The following KHDRBS2 variants were observed in gnomAD, a reference collection of about 807,000 sequenced individuals.
KHDRBS2 encodes the protein KH RNA binding domain containing, signal transduction associated 2, also known as KH domain-containing, RNA-binding, signal transduction-associated protein 2.
In KHDRBS2, 26 loss-of-function variants were observed where a neutral mutation model predicts 44.3. The observed-to-expected ratio is 0.59, with a 90% confidence interval of 0.43 to 0.81. KHDRBS2 has a LOEUF of 0.81. Among genes scored for constraint, KHDRBS2 ranks in the 40% least tolerant of loss-of-function variants. The probability of loss-of-function intolerance (pLI) is 0.00; values close to 1 mark genes in which losing one functional copy is unlikely to be tolerated. For missense variants in KHDRBS2, 476 were observed against 433.1 expected (o/e 1.10, Z -0.88); for synonymous variants, 194 against 151.1 (o/e 1.28, Z -2.08).
chr6:61,697,121 T>C (rs191550321), intron 8 of KHDRBS2, 74 bp downstream of exon 8: 844 of 984,402 alleles, frequency 8.6e-4, no homozygotes, highest in Non-Finnish European at 1.3e-3. Flanking sequence ...GGGAGAAAGA[T>C]GGAAATAATG....
At chr6:61,873,693 T>A (rs1434158773) in intron 6 of KHDRBS2, among the ~76,000 whole-genome samples, 1 of 151,686 alleles carries the variant, frequency 6.6e-6, no homozygotes, top group Non-Finnish European at 1.5e-5. Context: ...TTTTTAAAAT[T>A]CTGATATTTT....
chr6:61,975,368 C>T (rs1371333223), intron 4 of KHDRBS2, among the ~76,000 whole-genome samples: 1 of 152,022 alleles, frequency 6.6e-6, no homozygotes, highest in East Asian at 1.9e-4. Flanking sequence ...ACAATGTTTG[C>T]AAATGTTAAT....
chr6:61,653,173 G>C, the KHDRBS2 span, among the ~76,000 whole-genome samples: 1 of 152,068 alleles, frequency 6.6e-6, no homozygotes, highest in African/African-American at 2.4e-5. Flanking sequence ...CAAACACAGA[G>C]AGAGGATGCA....
At chr6:62,192,983 CA>C (rs1295763367) in intron 1 of KHDRBS2, among the ~76,000 whole-genome samples, 34 of 152,186 alleles carry the variant, frequency 2.2e-4, no homozygotes, top group Non-Finnish European at 4.1e-4. Context: ...TTATTAAATA[CA>C]TTTCTAGTAT....
intron 1 of KHDRBS2, among the ~76,000 whole-genome samples, chr6:62,185,828 A>G (rs958112919): frequency 1.3e-5 from 2 of 151,990 alleles, no homozygotes; most frequent in African/African-American, 4.8e-5. Flanking sequence ...CCTCTCCCTC[A>G]TGGAGTTGTA....
the KHDRBS2 span, among the ~76,000 whole-genome samples, chr6:61,547,892 G>T: frequency 6.6e-6 from 1 of 152,094 alleles, no homozygotes; most frequent in Non-Finnish European, 1.5e-5. Flanking sequence ...AGTAAATTAT[G>T]TTGGCCTTTA....
chr6:61,994,335 A>G (rs1488611474), intron 3 of KHDRBS2, among the ~76,000 whole-genome samples: 1 of 152,186 alleles, frequency 6.6e-6, no homozygotes, highest in Non-Finnish European at 1.5e-5. Flanking sequence ...CAAGACCAGC[A>G]TGAATTGACA....
intron 1 of KHDRBS2, among the ~76,000 whole-genome samples, chr6:62,271,631 G>A (rs1276350314): frequency 6.6e-6 from 1 of 152,086 alleles, no homozygotes; most frequent in Non-Finnish European, 1.5e-5. Context: ...AGTAGGACAA[G>A]ATGTAGGGTG....
intron 7 of KHDRBS2, among the ~76,000 whole-genome samples, chr6:61,698,917 G>C (rs1451064384): frequency 6.6e-6 from 1 of 152,034 alleles, no homozygotes; most frequent in Non-Finnish European, 1.5e-5. Flanking sequence ...TCCCTGATCA[G>C]TCTATTTAGA....
At chr6:61,820,129 G>C (rs1332003617) in intron 6 of KHDRBS2, among the ~76,000 whole-genome samples, 1 of 152,032 alleles carries the variant, frequency 6.6e-6, no homozygotes. Flanking sequence ...CAGAAAGAAA[G>C]TTAATGGAGA....
At chr6:61,961,082 A>G (rs1348791337) in intron 4 of KHDRBS2, among the ~76,000 whole-genome samples, 2 of 152,224 alleles carry the variant, frequency 1.3e-5, no homozygotes, top group Admixed American at 1.3e-4. Context: ...GGATAAAGAG[A>G]AACTTGAGAG....
intron 6 of KHDRBS2, 149 bp downstream of exon 6, chr6:61,894,486 A>C (rs1802546902): frequency 1.6e-6 from 1 of 616,878 alleles, no homozygotes; most frequent in East Asian, 3.0e-5. Context: ...CTCTCATTTA[A>C]ATGCACTGCT....
At chr6:61,728,295 T>C (rs965045714) in intron 7 of KHDRBS2, among the ~76,000 whole-genome samples, 1 of 149,602 alleles carries the variant, frequency 6.7e-6, no homozygotes, top group African/African-American at 2.5e-5. Flanking sequence ...TGGAGGGGGG[T>C]TGTGGAGGGA....
At chr6:61,972,173 T>G (rs1176979726) in intron 4 of KHDRBS2, among the ~76,000 whole-genome samples, 1 of 152,216 alleles carries the variant, frequency 6.6e-6, no homozygotes, top group Admixed American at 6.6e-5. Context: ...ATGATTATTA[T>G]GCCAACTGCT....
the KHDRBS2 span, among the ~76,000 whole-genome samples, chr6:61,611,257 C>T: frequency 6.6e-6 from 1 of 152,152 alleles, no homozygotes; most frequent in African/African-American, 2.4e-5. Context: ...CCAATCTGTT[C>T]TTGAGAGCTT....
At chr6:61,843,670 A>C (rs1267991972) in intron 6 of KHDRBS2, among the ~76,000 whole-genome samples, 2 of 151,976 alleles carry the variant, frequency 1.3e-5, no homozygotes, top group East Asian at 3.9e-4. Flanking sequence ...CAGCCTATTT[A>C]TACTATTATT....
At chr6:62,111,392 C>A (rs530622498) in intron 2 of KHDRBS2, among the ~76,000 whole-genome samples, 19 of 152,016 alleles carry the variant, frequency 1.2e-4, no homozygotes, top group Non-Finnish European at 2.4e-4. Context: ...TTTTGAATAC[C>A]TATTCTGTGT....
intron 2 of KHDRBS2, among the ~76,000 whole-genome samples, chr6:62,078,551 G>A (rs1278342228): frequency 6.6e-6 from 1 of 151,734 alleles, no homozygotes; most frequent in Admixed American, 6.6e-5. Context: ...ACTTCTAAGA[G>A]AAAAATATTT....
intron 6 of KHDRBS2, among the ~76,000 whole-genome samples, chr6:61,893,864 G>C (rs994947715): frequency 6.6e-6 from 1 of 151,772 alleles, no homozygotes; most frequent in African/African-American, 2.4e-5. Flanking sequence ...AAACCTGCAC[G>C]TTGTGCACAT....
Sources: allele counts gnomAD v4.1 joint callset (sites outside exome capture counted in the v4.1 genomes callset), GRCh38; gene constraint gnomAD v4.1.1; transcripts MANE v1.5; gene names NCBI Gene and HGNC (gene_info 2026-07-23, HGNC 2026-07-21).